Variants in WDFY3 observed in about 807,000 individuals in gnomAD.
The protein encoded by WDFY3 is WD repeat and FYVE domain containing 3.
WDFY3 carries 66 observed loss-of-function variants against 409.6 expected under a neutral mutation model. That is an observed-to-expected ratio of 0.16 (90% CI 0.13 to 0.20). The LOEUF (loss-of-function observed/expected upper bound fraction) is 0.20. Among genes scored for constraint, WDFY3 ranks in the 10% least tolerant of loss-of-function variants. The pLI is 1.00. For synonymous variants in WDFY3, 1,521 were observed against 1,537.1 expected (o/e 0.99, Z 0.25); for missense variants, 3,031 against 4,298.1 (o/e 0.71, Z 8.24).
At chr4:84,945,233 G>T (rs2151067468) in intron 1 of WDFY3, among the ~76,000 whole-genome samples, 1 of 152,316 alleles carries the variant, frequency 6.6e-6, no homozygotes, top group Middle Eastern at 3.4e-3. Context: ...TTATGCAAGG[G>T]CAAATCTGCA....
Position 84,672,882 on chromosome 4 carries a change from G to A in WDFY3, c.10567C>T (p.Pro3523Ser), listed in dbSNP as rs756096145. ...TTGTTGAATCTTCAACAATTTCGAGGCCCATCTTCTGAACCTCTCTCATGC... is the reference window on the plus strand; with the variant it reads ...TTGTTGAATCTTCAACAATTTCGAGACCCATCTTCTGAACCTCTCTCATGC... ...LQHERGSEDG[P>S]RNC Residue 3523 changes from proline (P) to serine (S), a missense_variant, in exon 68 of 68, where the codon CCT (proline) becomes TCT (serine). Pro to Ser is a moderately conservative substitution (Grantham distance 74). Around this residue, in one of 16 missense-constraint regions of WDFY3, gnomAD observed 378 missense variants for 477.3 expected, o/e 0.79. Transcript: ENST00000295888. The A allele has an allele frequency of 1.1e-5, 17 of 1,613,936 alleles. No homozygotes were observed. The South Asian group carries it at 1.6e-4, about 16-fold the overall frequency.
chr4:84,767,886 C>T (rs1051155327), intron 30 of WDFY3, among the ~76,000 whole-genome samples: 11 of 152,022 alleles, frequency 7.2e-5, no homozygotes, highest in African/African-American at 2.7e-4. Context: ...GAGTTTGAGA[C>T]CAACCTGGGC....
intron 25 of WDFY3, 93 bp from the exon 26 acceptor site, chr4:84,780,391 G>A: frequency 8.2e-7 from 1 of 1,225,764 alleles, no homozygotes; most frequent in Non-Finnish European, 1.1e-6. Flanking sequence ...AATTAGCAGT[G>A]TTTTATTTTA....
chr4:84,775,232 C>T, intron 27 of WDFY3, 94 bp from the exon 28 acceptor site: 1 of 1,009,620 alleles, frequency 9.9e-7, no homozygotes, highest in Non-Finnish European at 1.5e-6. Context: ...GAACTTATTT[C>T]ACTTATATAA....
intron 32 of WDFY3, among the ~76,000 whole-genome samples, chr4:84,759,275 T>A (rs1346998560): frequency 2.0e-5 from 3 of 152,208 alleles, no homozygotes; most frequent in Admixed American, 6.5e-5. Flanking sequence ...TAGGATTGAC[T>A]TGGGGATGCG....
intron 10 of WDFY3, among the ~76,000 whole-genome samples, chr4:84,825,331 A>C (rs990956893): frequency 7.2e-5 from 11 of 151,952 alleles, no homozygotes; most frequent in African/African-American, 2.7e-4. Context: ...GGAATCTATA[A>C]ATTAGAAATT....
Position 84,827,122 on chromosome 4 carries a change from T to C in WDFY3, c.957-141A>G, listed in dbSNP as rs1290420076. 9 of 781,718 alleles carry C rather than the reference T, an allele frequency of 1.2e-5. No homozygotes were observed. The East Asian group carries it at 3.0e-4, about 26-fold the overall frequency. The allele number at this position is 781,718 out of a possible 1,614,324, so 48.4% of individuals were successfully genotyped here. A position where few individuals can be genotyped will look rare whatever the true frequency, so the allele number is the denominator to read the frequency against. On this transcript the variant is annotated intron_variant, in intron 9 of 67. Coordinates refer to ENST00000295888, the MANE Select transcript of WDFY3 (RefSeq NM_014991.6). ...AGTACTGAAAGAACACTGGGGTCAT[T>C]AGGGAATTATCTTTTAACCACGGCT...
At chr4:84,918,934 C>T (rs1247840435) in intron 2 of WDFY3, among the ~76,000 whole-genome samples, 1 of 151,634 alleles carries the variant, frequency 6.6e-6, no homozygotes, top group Non-Finnish European at 1.5e-5. Context: ...CCAGCAATAA[C>T]ATATATACCA....
At chr4:84,953,565 T>A (rs952530951) in intron 1 of WDFY3, among the ~76,000 whole-genome samples, 7 of 152,046 alleles carry the variant, frequency 4.6e-5, no homozygotes, top group Non-Finnish European at 8.8e-5. Context: ...TGTATTTTTT[T>A]AAAAAAAGAA....
At chr4:84,930,994 A>T (rs1280153152) in intron 2 of WDFY3, among the ~76,000 whole-genome samples, 1 of 152,156 alleles carries the variant, frequency 6.6e-6, no homozygotes, top group Admixed American at 6.6e-5. Flanking sequence ...TGTTATTATA[A>T]TTGTTATATT....
intron 30 of WDFY3, among the ~76,000 whole-genome samples, chr4:84,772,423 T>C (rs1003973645): frequency 3.9e-5 from 6 of 151,982 alleles, no homozygotes; most frequent in African/African-American, 1.4e-4. Flanking sequence ...CAGTGACTAC[T>C]AAATATTTAA....
intron 1 of WDFY3, among the ~76,000 whole-genome samples, chr4:84,940,632 C>G (rs1457423638): frequency 6.6e-6 from 1 of 151,810 alleles, no homozygotes; most frequent in Non-Finnish European, 1.5e-5. Flanking sequence ...TTATACTAAC[C>G]AGCACAATCC....
At chr4:84,783,450 A>C (rs1024312097) in intron 24 of WDFY3, among the ~76,000 whole-genome samples, 1 of 152,192 alleles carries the variant, frequency 6.6e-6, no homozygotes, top group Non-Finnish European at 1.5e-5. Flanking sequence ...CTGGCACTCC[A>C]CACTCCAGCC....
intron 5 of WDFY3, among the ~76,000 whole-genome samples, chr4:84,847,194 G>C (rs1758184078): frequency 6.6e-6 from 1 of 151,912 alleles, no homozygotes. Context: ...TCCAAGCAGA[G>C]ACTGGACAAT....
chr4:84,807,432 C>T (rs989531694), intron 15 of WDFY3, among the ~76,000 whole-genome samples: 2 of 151,966 alleles, frequency 1.3e-5, no homozygotes, highest in Admixed American at 6.6e-5. Flanking sequence ...ATACTGAATC[C>T]GTAACAAATA....
At chr4:84,687,452 C>T (rs973448505) in intron 62 of WDFY3, among the ~76,000 whole-genome samples, 1 of 152,124 alleles carries the variant, frequency 6.6e-6, no homozygotes, top group Non-Finnish European at 1.5e-5. Flanking sequence ...CAATTTCTAA[C>T]ATTCTTAACA....
chr4:84,712,374 A>AT (rs1491221517), intron 51 of WDFY3, among the ~76,000 whole-genome samples: 3 of 117,702 alleles, frequency 2.5e-5, no homozygotes, highest in Admixed American at 2.5e-4. Context: ...GAAAAAAATT[A>AT]AAAAAAAAAA....
chr4:84,780,875 A>T (rs958843417), intron 25 of WDFY3, among the ~76,000 whole-genome samples: 1 of 152,144 alleles, frequency 6.6e-6, no homozygotes, highest in Non-Finnish European at 1.5e-5. Flanking sequence ...AGCAGAGAAG[A>T]GCAGGGCTTT....
In WDFY3 at chr4:84,736,275, C is replaced by T; in HGVS notation, c.6810G>A (p.Gln2270=). 6.2e-7 allele frequency: 1 copy of T among 1,613,234 alleles called. No homozygotes were observed. The highest frequency in any genetic ancestry group is 8.5e-7 in the Non-Finnish European group (1 of 1,179,434). ...CACTGCTGACACGGGATAATTTGGA[C>T]TGTGTGGTGGGCGCTAAAGCTTCTC... ...SRGEALAPTT[Q]SKLSRVSSGF... The change falls in exon 42 of 68, where the codon CAG becomes CAA. Residue 2270 remains glutamine, a synonymous_variant. Transcript: ENST00000295888.
Sources: allele counts gnomAD v4.1 joint callset (sites outside exome capture counted in the v4.1 genomes callset), GRCh38; gene constraint gnomAD v4.1.1; regional missense constraint gnomAD v4.1.1; transcripts MANE v1.5; gene names NCBI Gene and HGNC (gene_info 2026-07-23, HGNC 2026-07-21).